CCDC40: variants seen among roughly 807,000 people sequenced by gnomAD.
CCDC40 encodes coiled-coil domain 40 molecular ruler complex subunit.
Under a neutral mutation model 124.5 loss-of-function variants are expected in CCDC40, and 104 were observed. The observed-to-expected ratio is 0.84, with a 90% confidence interval of 0.71 to 0.98. The LOEUF is 0.98. Ranked by LOEUF, CCDC40 falls within the 50% of genes least tolerant of loss-of-function variation. The pLI is 0.00. For missense variants in CCDC40, 1,463 were observed against 1,503.9 expected (o/e 0.97, Z 0.45); for synonymous variants, 580 against 602.9 (o/e 0.96, Z 0.56).
At chr17:80,037,118 C>T (rs1355526500) in intron 1 of CCDC40, among the ~76,000 whole-genome samples, 1 of 152,138 alleles carries the variant, frequency 6.6e-6, no homozygotes, top group Non-Finnish European at 1.5e-5. Flanking sequence ...TCGCTGTGGC[C>T]GGAGACCAGC....
At position 80,087,363 on chromosome 17, in the gene CCDC40, T is replaced by C; in HGVS notation, c.2450-244T>C. Reference sequence around the variant, plus strand: ...TGGCTGTCCCCACAGGCAGGTCCTCTCAGTTCCGTTGGAGGACCAGGCTTT... The same window carrying C: ...TGGCTGTCCCCACAGGCAGGTCCTCCCAGTTCCGTTGGAGGACCAGGCTTT... On this transcript the variant is annotated intron_variant, in intron 14 of 19. Coordinates refer to ENST00000397545, the MANE Select transcript of CCDC40 (RefSeq NM_017950.4). This position sits in a 1 kb window ranked among gnomAD's most constrained non-coding sequence, Gnocchi z 4.5. 1.8e-6 allele frequency: 1 copy of C among 557,086 alleles called. No homozygotes were observed. The highest frequency in any genetic ancestry group is 3.2e-6 in the Non-Finnish European group (1 of 309,128). 34.5% of individuals were successfully genotyped at this position (557,086 alleles called of 1,614,324 possible).
intron 9 of CCDC40, among the ~76,000 whole-genome samples, chr17:80,060,327 G>A (rs2037864909): frequency 6.6e-6 from 1 of 151,884 alleles, no homozygotes; most frequent in South Asian, 2.1e-4. Flanking sequence ...AGGATGGCTT[G>A]AGCCCAGAAG....
chr17:80,079,520 T>C (rs1393070856), intron 10 of CCDC40, among the ~76,000 whole-genome samples: 1 of 152,214 alleles, frequency 6.6e-6, no homozygotes, highest in East Asian at 1.9e-4. Context: ...AAATGATGCC[T>C]GTGCCATAAT....
chr17:80,084,271 C>T (rs868459965), intron 12 of CCDC40, among the ~76,000 whole-genome samples: 16 of 152,250 alleles, frequency 1.1e-4, no homozygotes, highest in South Asian at 8.3e-4. Context: ...TGGCAAAAGG[C>T]GAAACAGGCA....
chr17:80,097,438 G>A (rs1156323333), intron 19 of CCDC40, 35 bp downstream of exon 19: 1 of 1,612,196 alleles, frequency 6.2e-7, no homozygotes, highest in South Asian at 1.1e-5. Flanking sequence ...GGGGATGACG[G>A]CCATGGAACA....
At chr17:80,063,610 A>G (rs966682416) in intron 9 of CCDC40, among the ~76,000 whole-genome samples, 6 of 152,068 alleles carry the variant, frequency 3.9e-5, no homozygotes, top group African/African-American at 1.4e-4. Flanking sequence ...TGAATAACTT[A>G]CCCCCATACA....
intron 3 of CCDC40, among the ~76,000 whole-genome samples, 198 bp from the exon 4 acceptor site, chr17:80,047,081 A>T (rs1400416346): frequency 2.6e-5 from 4 of 152,180 alleles, no homozygotes; most frequent in African/African-American, 9.7e-5. Flanking sequence ...CCTGGCCTCA[A>T]GCGATCCACC....
chr17:80,090,260 C>A, intron 17 of CCDC40: 2 of 801,074 alleles, frequency 2.5e-6, no homozygotes, highest in South Asian at 2.4e-5. Context: ...ACACGGGACG[C>A]GCGCGGGCAC....
At chr17:80,037,688 A>AGATAT (rs1555889124) in intron 1 of CCDC40, among the ~76,000 whole-genome samples, 72 of 45,710 alleles carry the variant, frequency 1.6e-3, no homozygotes, top group African/African-American at 3.9e-3. Flanking sequence ...TTTTTTAAAA[A>AGATAT]AGATATACAT....
At chr17:80,083,737 T>C (rs892319700) in intron 12 of CCDC40, among the ~76,000 whole-genome samples, 1 of 152,190 alleles carries the variant, frequency 6.6e-6, no homozygotes, top group Non-Finnish European at 1.5e-5. Context: ...AAAGTCTGTC[T>C]AATGCCTCCA....
At chr17:80,077,247 G>A (rs368913891) in intron 10 of CCDC40, among the ~76,000 whole-genome samples, 7 of 152,042 alleles carry the variant, frequency 4.6e-5, no homozygotes, top group African/African-American at 7.2e-5. Flanking sequence ...AATGCTTGCC[G>A]GCCGTGGTGG....
intron 19 of CCDC40, among the ~76,000 whole-genome samples, chr17:80,098,148 G>A (rs1295816324): frequency 6.6e-6 from 1 of 152,206 alleles, no homozygotes; most frequent in Non-Finnish European, 1.5e-5. Context: ...AGGTGGACAG[G>A]ACAGCCCGGC....
rs149830835 is a variant in CCDC40, at chr17:80,091,736, C to T, written c.2832+1852C>T. Among the ~76,000 whole-genome samples, 40 of 152,258 alleles carry T rather than the reference C, an allele frequency of 2.6e-4. No homozygotes were observed. The East Asian group carries it at 6.2e-3, about 24-fold the overall frequency. ...GTTAGGTTAACCCAAAATCAGCCAT[C>T]ACACAGCATTATAATCACATCCTTC... is the stretch of plus-strand genomic sequence containing the variant. On this transcript the variant is annotated intron_variant, in intron 17 of 19. Transcript: ENST00000397545.
chr17:80,089,611 A>G, intron 16 of CCDC40, 153 bp from the exon 17 acceptor site: 1 of 904,562 alleles, frequency 1.1e-6, no homozygotes, highest in South Asian at 1.4e-5. Context: ...CCAGTAGTGA[A>G]CACTTCAGGC....
chr17:80,094,534 A>G (rs1357551573), intron 17 of CCDC40, among the ~76,000 whole-genome samples: 1 of 152,034 alleles, frequency 6.6e-6, no homozygotes, highest in Non-Finnish European at 1.5e-5. Flanking sequence ...ATCTCTACTA[A>G]AAATACAAAA....
chr17:80,081,658 G>T lies in CCDC40; in HGVS notation c.1675G>T (p.Glu559Ter). The T allele has an allele frequency of 4.3e-6, 7 of 1,614,208 alleles. No individual in the cohort carries two copies. Among genetic ancestry groups the T allele is most frequent in the Non-Finnish European group, 5.9e-6 (7 of 1,180,052 alleles). Residue 559 changes from glutamate to a stop codon, truncating the protein, a stop_gained, in exon 11 of 20, where the codon GAG becomes TAG. Transcript: ENST00000397545. LOFTEE classifies it high-confidence loss of function. The stretch of plus-strand genomic sequence containing the variant: ...GCTGGCGAGCATCCTGAACCGGACA[G>T]AGACGGAAGCCACACTGCTGCAGAA... The part of the protein sequence containing the change: ...EKLASILNRT[E>*]TEATLLQKLT...
intron 9 of CCDC40, 129 bp from the exon 10 acceptor site, chr17:80,065,356 T>A: frequency 7.9e-7 from 1 of 1,269,722 alleles, no homozygotes; most frequent in Non-Finnish European, 1.1e-6. Flanking sequence ...TGCAGATGCA[T>A]GATCAAGGAA....
intron 3 of CCDC40, among the ~76,000 whole-genome samples, chr17:80,043,752 C>T (rs2037345190): frequency 6.6e-6 from 1 of 151,826 alleles, no homozygotes; most frequent in African/African-American, 2.4e-5. Flanking sequence ...CTCCTGGGCT[C>T]AGTCAATCCT....
At chr17:80,083,927 C>T (rs1262850279) in intron 12 of CCDC40, among the ~76,000 whole-genome samples, 1 of 152,222 alleles carries the variant, frequency 6.6e-6, no homozygotes, top group African/African-American at 2.4e-5. Context: ...TAAGACCCGA[C>T]TTACCAGATT....
Sources: gnomAD v4.1 joint callset for allele counts (sites outside exome capture counted in the v4.1 genomes callset) on GRCh38, gnomAD v4.1.1 for gene constraint, Gnocchi (gnomAD v3.1) non-coding constraint, MANE v1.5 for transcripts, NCBI Gene and HGNC (gene_info 2026-07-23, HGNC 2026-07-21) for gene names.